ASIC2: variants seen among roughly 807,000 people sequenced by gnomAD.
ASIC2 encodes acid sensing ion channel subunit 2.
Under a neutral mutation model 57.3 loss-of-function variants are expected in ASIC2, and 25 were observed. The ratio of observed to expected loss-of-function variants is 0.44; its 90% CI spans 0.32 to 0.61. The LOEUF is 0.61. Among genes scored for constraint, ASIC2 ranks in the 20% least tolerant of loss-of-function variants. ASIC2 has a pLI of 0.06. For missense variants in ASIC2, 641 were observed against 738.1 expected (o/e 0.87, Z 1.52); for synonymous variants, 319 against 307.5 (o/e 1.04, Z -0.39).
intron 1 of ASIC2, among the ~76,000 whole-genome samples, chr17:33,417,408 G>A (rs965428499): frequency 5.9e-5 from 9 of 152,152 alleles, no homozygotes; most frequent in African/African-American, 2.2e-4. Context: ...AAATAGGATT[G>A]AAATCTGTCT....
chr17:34,113,307 TC>T (rs756817669), intron 1 of ASIC2, among the ~76,000 whole-genome samples: 84 of 152,272 alleles, frequency 5.5e-4, no homozygotes, highest in Non-Finnish European at 8.7e-4. Flanking sequence ...ATGCCTGTAA[TC>T]CTAGAACTTT....
At chr17:33,826,989 T>C (rs1181763605) in intron 1 of ASIC2, among the ~76,000 whole-genome samples, 2 of 152,108 alleles carry the variant, frequency 1.3e-5, no homozygotes, top group Non-Finnish European at 2.9e-5. Context: ...TATGAAGGGG[T>C]TGGGCACATA....
chr17:33,736,316 G>T (rs952067393), intron 1 of ASIC2, among the ~76,000 whole-genome samples: 28 of 151,956 alleles, frequency 1.8e-4, no homozygotes, highest in Admixed American at 7.2e-4. Flanking sequence ...AGCGATAAAA[G>T]CTCAGCCTGC....
intron 1 of ASIC2, among the ~76,000 whole-genome samples, chr17:33,889,729 G>A (rs796683225): frequency 9.8e-5 from 15 of 152,296 alleles, no homozygotes; most frequent in African/African-American, 3.4e-4. Flanking sequence ...CAGATAATCA[G>A]CCCTCACTCC....
intron 1 of ASIC2, among the ~76,000 whole-genome samples, chr17:33,504,643 C>T (rs915727119): frequency 6.6e-6 from 1 of 152,180 alleles, no homozygotes; most frequent in African/African-American, 2.4e-5. Context: ...CCTGGCCTGA[C>T]CTGTAAAGAG....
At chr17:33,827,127 C>T (rs1481930230) in intron 1 of ASIC2, among the ~76,000 whole-genome samples, 1 of 152,056 alleles carries the variant, frequency 6.6e-6, no homozygotes, top group Non-Finnish European at 1.5e-5. Context: ...TACAGAAATA[C>T]TTCAAGCCTT....
At chr17:33,928,617 T>C (rs990909217) in intron 1 of ASIC2, among the ~76,000 whole-genome samples, 6 of 152,244 alleles carry the variant, frequency 3.9e-5, no homozygotes, top group African/African-American at 1.4e-4. Flanking sequence ...CTCTTGGAAA[T>C]GTAGTGTCAG....
At chr17:33,611,525 G>A (rs1437106833) in intron 1 of ASIC2, among the ~76,000 whole-genome samples, 2 of 152,208 alleles carry the variant, frequency 1.3e-5, no homozygotes, top group Non-Finnish European at 2.9e-5. Context: ...CTGGTCTGTA[G>A]GTTGACTGAA....
At chr17:33,729,907 A>C (rs1281951525) in intron 1 of ASIC2, among the ~76,000 whole-genome samples, 1 of 152,226 alleles carries the variant, frequency 6.6e-6, no homozygotes, top group Non-Finnish European at 1.5e-5. Context: ...AAACATTGCT[A>C]AATGCTTACC....
chr17:33,227,497 A>C lies in ASIC2; in HGVS notation c.708+63911T>G, dbSNP rs1189764855. Among the ~76,000 whole-genome samples the C allele has an allele frequency of 2.0e-5, 3 of 152,084 alleles. No individual in the cohort carries two copies. In the East Asian group the frequency reaches 5.8e-4, roughly 29 times the overall value. On this transcript the variant is annotated intron_variant, in intron 1 of 9. Coordinates refer to ENST00000225823, the MANE Select transcript of ASIC2 (RefSeq NM_183377.2). ...GAGACCCAGTTCCCTTGGACATTTAAAATATCAGGACAAAGGAGAGTGAGG... is the reference window on the plus strand; with the variant it reads ...GAGACCCAGTTCCCTTGGACATTTACAATATCAGGACAAAGGAGAGTGAGG...
intron 1 of ASIC2, among the ~76,000 whole-genome samples, chr17:33,427,573 A>G (rs754284342): frequency 2.6e-5 from 4 of 152,290 alleles, no homozygotes; most frequent in South Asian, 2.1e-4. Flanking sequence ...TCCTCCCCCA[A>G]TAAAATGCTG....
At chr17:34,138,645 C>T (rs1912188461) in intron 1 of ASIC2, among the ~76,000 whole-genome samples, 1 of 152,206 alleles carries the variant, frequency 6.6e-6, no homozygotes, top group Non-Finnish European at 1.5e-5. Flanking sequence ...TGCCCAGGCT[C>T]TGGACTAGTG....
chr17:34,095,639 A>ATATATATATATATAATTT (rs1555595829), intron 1 of ASIC2, among the ~76,000 whole-genome samples: 7 of 135,602 alleles, frequency 5.2e-5, no homozygotes, highest in South Asian at 2.2e-4. Context: ...AATTTTATAT[A>ATATATATATATATAATTT]TATATATATA....
At chr17:33,304,028 A>G (rs1045702910) in intron 1 of ASIC2, among the ~76,000 whole-genome samples, 9 of 152,254 alleles carry the variant, frequency 5.9e-5, no homozygotes, top group Non-Finnish European at 1.3e-4. Context: ...AATAATTCAC[A>G]GTAGAGCTTT....
At chr17:33,628,565 G>A (rs771058313) in intron 1 of ASIC2, among the ~76,000 whole-genome samples, 3 of 152,054 alleles carry the variant, frequency 2.0e-5, no homozygotes, top group Non-Finnish European at 2.9e-5. Context: ...CAAGGTATGA[G>A]GGTTACAGGT....
chr17:33,564,732 C>T (rs1238424160), intron 1 of ASIC2, among the ~76,000 whole-genome samples: 1 of 152,204 alleles, frequency 6.6e-6, no homozygotes, highest in Non-Finnish European at 1.5e-5. Context: ...AGCACTGTAA[C>T]ATGTTCATAA....
At chr17:34,119,314 G>A (rs945373755) in intron 1 of ASIC2, among the ~76,000 whole-genome samples, 3 of 151,954 alleles carry the variant, frequency 2.0e-5, no homozygotes, top group Non-Finnish European at 2.9e-5. Context: ...ACCTGAAAAA[G>A]GGGAAAACAA....
At chr17:33,945,569 C>T (rs891013456) in intron 1 of ASIC2, among the ~76,000 whole-genome samples, 9 of 152,100 alleles carry the variant, frequency 5.9e-5, no homozygotes, top group African/African-American at 1.9e-4. Context: ...GCAGATTAAG[C>T]GGGCAGTTCA....
chr17:33,380,245 C>CAAAAAAAAAAAAAAAAAAAA (rs10586872), intron 1 of ASIC2, among the ~76,000 whole-genome samples: 13 of 71,058 alleles, frequency 1.8e-4, no homozygotes, highest in Non-Finnish European at 3.1e-4. Flanking sequence ...AACCCTGTCT[C>CAAAAAAAAAAAAAAAAAAAA]AAAAAAAAAA....
Sources: allele counts gnomAD v4.1 joint callset (sites outside exome capture counted in the v4.1 genomes callset), GRCh38; gene constraint gnomAD v4.1.1; transcripts MANE v1.5; gene names NCBI Gene and HGNC (gene_info 2026-07-23, HGNC 2026-07-21).